The following ATXN1 variants were observed in gnomAD, a reference collection of about 807,000 sequenced individuals.
ATXN1 encodes the protein ataxin 1, also known as ataxin-1.
ATXN1 carries 8 observed loss-of-function variants against 56.4 expected under a neutral mutation model. That is an observed-to-expected ratio of 0.14 (90% CI 0.08 to 0.26). The LOEUF (loss-of-function observed/expected upper bound fraction) is 0.26. Among genes scored for constraint, ATXN1 ranks in the 10% least tolerant of loss-of-function variants. The probability of loss-of-function intolerance (pLI) is 1.00; values close to 1 mark genes in which losing one functional copy is unlikely to be tolerated. For synonymous variants in ATXN1, 514 were observed against 494.6 expected (o/e 1.04, Z -0.52); for missense variants, 987 against 1,106.5 (o/e 0.89, Z 1.53).
At chr6:16,594,104 T>C (rs1441594999) in intron 3 of ATXN1, among the ~76,000 whole-genome samples, 2 of 149,408 alleles carry the variant, frequency 1.3e-5, no homozygotes, top group African/African-American at 2.4e-5. Context: ...TAGAAGCTAA[T>C]ATATATTAGT....
intron 5 of ATXN1, among the ~76,000 whole-genome samples, chr6:16,490,282 C>T (rs1760635459): frequency 6.6e-6 from 1 of 152,154 alleles, no homozygotes. Flanking sequence ...GTCAACTCTG[C>T]TCCCAACTTC....
chr6:16,456,070 G>A (rs547005252), intron 6 of ATXN1, among the ~76,000 whole-genome samples: 3 of 152,298 alleles, frequency 2.0e-5, no homozygotes, highest in African/African-American at 2.4e-5. Context: ...CAACCCATTT[G>A]GGTCCCCTTC....
At chr6:16,458,782 C>T (rs1759931384) in intron 6 of ATXN1, among the ~76,000 whole-genome samples, 1 of 152,200 alleles carries the variant, frequency 6.6e-6, no homozygotes, top group East Asian at 1.9e-4. Flanking sequence ...GTCCACTATG[C>T]CAAGGCAATC....
chr6:16,474,129 G>T (rs1444609549), intron 6 of ATXN1, among the ~76,000 whole-genome samples: 1 of 152,184 alleles, frequency 6.6e-6, no homozygotes, highest in Admixed American at 6.5e-5. Context: ...CAAACTACTT[G>T]CTGTCTTCCA....
At chr6:16,432,599 A>G (rs1447538425) in intron 6 of ATXN1, 1 of 152,220 alleles carries the variant, frequency 6.6e-6, no homozygotes, top group Non-Finnish European at 1.5e-5. Context: ...CTGTTAAAAT[A>G]TGCTTTCCAA....
At chr6:16,631,560 C>G (rs1763503691) in intron 3 of ATXN1, among the ~76,000 whole-genome samples, 1 of 152,214 alleles carries the variant, frequency 6.6e-6, no homozygotes, top group Admixed American at 6.5e-5. Context: ...AGTCCCAACT[C>G]TGCCCCAGAA....
chr6:16,569,850 C>T (rs1443608714), intron 4 of ATXN1, among the ~76,000 whole-genome samples: 1 of 152,102 alleles, frequency 6.6e-6, no homozygotes, highest in Non-Finnish European at 1.5e-5. Context: ...ACAAACCTCC[C>T]AGGAGACTGC....
Position 16,690,574 on chromosome 6 carries a change from G to A in ATXN1, c.-614-32673C>T, listed in dbSNP as rs1759023599. 5.3e-5 allele frequency among the ~76,000 whole-genome samples: 8 copies of A among 152,270 alleles called. No individual in the cohort carries two copies. In the South Asian group the frequency reaches 1.7e-3, roughly 32 times the overall value. The stretch of plus-strand genomic sequence containing the variant: ...TTATAAACCAGGGGAGAGGATAATT[G>A]GAAAATGTATTTCCAGCCTCATTGG... On this transcript the variant is annotated intron_variant, in intron 2 of 7. Transcript: ENST00000436367.
intron 6 of ATXN1, among the ~76,000 whole-genome samples, chr6:16,341,387 A>G (rs1449090387): frequency 1.3e-5 from 2 of 152,122 alleles, no homozygotes; most frequent in Admixed American, 1.3e-4. Flanking sequence ...TTAAAAACAT[A>G]ATGTCCAGAT....
intron 3 of ATXN1, among the ~76,000 whole-genome samples, chr6:16,602,730 G>A (rs963399752): frequency 2.0e-5 from 3 of 152,164 alleles, no homozygotes; most frequent in African/African-American, 2.4e-5. Context: ...GATTACAGGC[G>A]TGAGCCACTG....
chr6:16,483,413 C>G (rs1191352162), intron 6 of ATXN1, among the ~76,000 whole-genome samples: 1 of 152,200 alleles, frequency 6.6e-6, no homozygotes, highest in Non-Finnish European at 1.5e-5. Flanking sequence ...CTCCATGGCA[C>G]AGGCTTTGGG....
Position 16,630,242 on chromosome 6 carries a change from T to G in ATXN1, c.-489+27534A>C, listed in dbSNP as rs192350171. 2.6e-5 allele frequency among the ~76,000 whole-genome samples: 4 copies of G among 152,336 alleles called. No individual in the cohort carries two copies. In the East Asian group the frequency reaches 7.7e-4, roughly 29 times the overall value. On this transcript the variant is annotated intron_variant, in intron 3 of 7. Transcript: ENST00000436367. ...GGCACTTCTGCATTGTATGACTCTC[T>G]TGAGGCAAACAGGAAAAACCTGTAT...
At chr6:16,354,999 A>G (rs1761656089) in intron 6 of ATXN1, among the ~76,000 whole-genome samples, 1 of 152,206 alleles carries the variant, frequency 6.6e-6, no homozygotes, top group Non-Finnish European at 1.5e-5. Flanking sequence ...GGCACCTTGC[A>G]TTTCTGCATC....
chr6:16,331,957 T>C (rs1761002808), intron 6 of ATXN1, among the ~76,000 whole-genome samples: 2 of 152,260 alleles, frequency 1.3e-5, no homozygotes, highest in Non-Finnish European at 2.9e-5. Context: ...TGCGAAATGA[T>C]TGCTAAGACA....
chr6:16,759,682 C>T (rs1031246696), intron 1 of ATXN1, among the ~76,000 whole-genome samples: 3 of 151,936 alleles, frequency 2.0e-5, no homozygotes, highest in African/African-American at 7.3e-5. Flanking sequence ...CGAATCCCCG[C>T]CGTCCTTAGA....
At chr6:16,330,841 A>T (rs868737103) in intron 6 of ATXN1, among the ~76,000 whole-genome samples, 2 of 152,204 alleles carry the variant, frequency 1.3e-5, no homozygotes, top group Non-Finnish European at 2.9e-5. Context: ...TGGTGTCTCG[A>T]TATCAAAGGA....
chr6:16,480,576 C>A (rs1044059687), intron 6 of ATXN1, among the ~76,000 whole-genome samples: 1 of 152,104 alleles, frequency 6.6e-6, no homozygotes, highest in South Asian at 2.1e-4. Flanking sequence ...AGCCCTGGAT[C>A]CCTGATAGAC....
chr6:16,302,337 A>G lies in ATXN1; in HGVS notation c.*3992T>C, dbSNP rs1186297970. On this transcript the variant is annotated 3_prime_UTR_variant, in exon 8 of 8. Transcript: ENST00000436367. ...CCAACACACTCACCTAACAGAAAAC[A>G]TAGAGGCTCACAATTCCAAGTTAGA... The G allele has an allele frequency of 6.6e-6, 1 of 152,460 alleles. No homozygotes were observed. Among genetic ancestry groups the G allele is most frequent in the African/African-American group, 2.4e-5 (1 of 41,460 alleles). The allele number at this position is 152,460 out of a possible 1,614,324, so 9.4% of individuals were successfully genotyped here.
chr6:16,562,491 G>T (rs1762141539), intron 4 of ATXN1, among the ~76,000 whole-genome samples: 1 of 149,562 alleles, frequency 6.7e-6, no homozygotes, highest in Admixed American at 6.7e-5. Context: ...GAGAGGAAAG[G>T]AAAGGAAAGG....
Sources: gnomAD v4.1 joint callset for allele counts (sites outside exome capture counted in the v4.1 genomes callset) on GRCh38, gnomAD v4.1.1 for gene constraint, MANE v1.5 for transcripts, NCBI Gene and HGNC (gene_info 2026-07-23, HGNC 2026-07-21) for gene names.